CCDC81: variants seen among roughly 807,000 people sequenced by gnomAD.
The protein encoded by CCDC81 is coiled-coil domain containing 81.
Under a neutral mutation model 83.7 loss-of-function variants are expected in CCDC81, and 79 were observed. The ratio of observed to expected loss-of-function variants is 0.94; its 90% CI spans 0.79 to 1.14. The LOEUF (loss-of-function observed/expected upper bound fraction) is 1.14. Ranked by LOEUF, CCDC81 falls within the 50% of genes most tolerant of loss-of-function variation. The pLI, the probability that CCDC81 is intolerant of heterozygous loss-of-function variation, is 0.00. For missense variants in CCDC81, 791 were observed against 778.1 expected, an observed-to-expected ratio of 1.02 and a Z score of -0.20; for synonymous variants, 252 against 278.1, an observed-to-expected ratio of 0.91 and a Z score of 0.93.
intron 7 of CCDC81, among the ~76,000 whole-genome samples, chr11:86,404,371 A>G (rs1948536643): frequency 6.6e-6 from 1 of 152,214 alleles, no homozygotes; most frequent in South Asian, 2.1e-4. Context: ...ATCCATTTGC[A>G]TATTATCTGT....
At chr11:86,401,844 A>G (rs1948492737) in intron 7 of CCDC81, among the ~76,000 whole-genome samples, 1 of 152,166 alleles carries the variant, frequency 6.6e-6, no homozygotes, top group South Asian at 2.1e-4. Context: ...GTAGAAGTTA[A>G]CCAAAAAATA....
rs1296440590 is a variant in CCDC81, at chr11:86,412,454, C to T, written c.1286C>T (p.Ser429Phe). ...AATGCTCTTAAGCAAGAGGAATATTCCCGGAGTCTCCTGAAACAAATGGAT... is the reference window on the plus strand; with the variant it reads ...AATGCTCTTAAGCAAGAGGAATATTTCCGGAGTCTCCTGAAACAAATGGAT... ...ALNALKQEEY[S>F]RSLLKQMDNR... The change falls in exon 11 of 15, where the codon TCC (serine) becomes TTC (phenylalanine). Residue 429 changes from serine to phenylalanine, a missense_variant. By Grantham distance (155) the Ser-to-Phe change is radical. Transcript: ENST00000445632. 6.2e-7 allele frequency: 1 copy of T among 1,613,716 alleles called. No individual in the cohort carries two copies. Among genetic ancestry groups the T allele is most frequent in the African/African-American group, 1.3e-5 (1 of 74,892 alleles).
chr11:86,400,814 CTT>C lies in CCDC81; in HGVS notation c.881+22_881+23del. On this transcript the variant is annotated intron_variant, in intron 7 of 14. Transcript: ENST00000445632. ...TGACCCCTGAAAGGTAATGCATTGACTTTTTTTTTTCTGTTGTACTTTACTAA... is the reference window on the plus strand; with the variant it reads ...TGACCCCTGAAAGGTAATGCATTGACTTTTTTTTCTGTTGTACTTTACTAA... 2.7e-6 allele frequency: 4 copies of C among 1,463,496 alleles called. No individual in the cohort carries two copies. Among genetic ancestry groups the C allele is most frequent in the South Asian group, 1.3e-5 (1 of 78,186 alleles). The allele number at this position is 1,463,496 out of a possible 1,614,324, so 90.7% of individuals were successfully genotyped here.
intron 13 of CCDC81, among the ~76,000 whole-genome samples, chr11:86,418,137 T>G (rs1219590972): frequency 6.6e-6 from 1 of 152,078 alleles, no homozygotes; most frequent in Non-Finnish European, 1.5e-5. Flanking sequence ...CACCACAAAT[T>G]ATTATGAAAG....
intron 1 of CCDC81, among the ~76,000 whole-genome samples, chr11:86,380,977 T>G (rs934363305): frequency 2.0e-5 from 3 of 152,234 alleles, no homozygotes; most frequent in Admixed American, 1.3e-4. Context: ...TGCCTTTTAG[T>G]ATGCCTTGTA....
intron 1 of CCDC81, 81 bp downstream of exon 1, chr11:86,375,323 C>A: frequency 7.9e-7 from 1 of 1,264,164 alleles, no homozygotes; most frequent in Non-Finnish European, 1.1e-6. Context: ...GACCCACTTC[C>A]CAATTCCCTG....
At chr11:86,379,220 C>T (rs1948140451) in intron 1 of CCDC81, among the ~76,000 whole-genome samples, 1 of 151,964 alleles carries the variant, frequency 6.6e-6, no homozygotes, top group Non-Finnish European at 1.5e-5. Context: ...CCTCAGCCTC[C>T]CCAGTAGCTA....
Position 86,415,278 on chromosome 11 carries a change from G to T in CCDC81, c.1656G>T (p.Arg552Ser). Residue 552 changes from arginine to serine, a missense_variant, in exon 13 of 15, where the codon AGG (arginine) becomes AGT (serine). Transcript: ENST00000445632. The part of the protein sequence containing the change: ...KAILHQLVDQ[R>S]RDLQMLQRTQ... Reference sequence around the variant, plus strand: ...TCCTGCATCAACTAGTGGACCAGAGGCGGGATTTGCAAATGCTTCAGAGGA... The same window carrying T: ...TCCTGCATCAACTAGTGGACCAGAGTCGGGATTTGCAAATGCTTCAGAGGA... 6.2e-7 allele frequency: 1 copy of T among 1,614,174 alleles called. No individual in the cohort carries two copies. The highest frequency in any genetic ancestry group is 8.5e-7 in the Non-Finnish European group (1 of 1,180,028).
intron 1 of CCDC81, 122 bp from the exon 2 acceptor site, chr11:86,385,929 A>T (rs977434883): frequency 5.0e-6 from 2 of 403,758 alleles, no homozygotes; most frequent in Admixed American, 3.6e-5. Context: ...TTCTAAATTA[A>T]TCAGGAATTA....
chr11:86,377,896 G>A (rs1019788921), intron 1 of CCDC81, among the ~76,000 whole-genome samples: 4 of 146,692 alleles, frequency 2.7e-5, no homozygotes, highest in Non-Finnish European at 6.0e-5. Flanking sequence ...CTGTGGTTTT[G>A]CACTTCATAT....
At chr11:86,385,376 C>A (rs1306267657) in intron 1 of CCDC81, among the ~76,000 whole-genome samples, 3 of 151,874 alleles carry the variant, frequency 2.0e-5, no homozygotes, top group South Asian at 4.1e-4. Context: ...CAGAGTGATA[C>A]CCTGTCTCAA....
At chr11:86,422,511 TC>T (rs1362511107) in intron 14 of CCDC81, 62 bp from the exon 15 acceptor site, 1 of 1,535,192 alleles carries the variant, frequency 6.5e-7, no homozygotes, top group Non-Finnish European at 8.9e-7. Flanking sequence ...CATACCAGCT[TC>T]CAAGTTGGGC....
chr11:86,421,755 CA>C (rs1948794282), intron 14 of CCDC81, among the ~76,000 whole-genome samples: 1 of 151,922 alleles, frequency 6.6e-6, no homozygotes, highest in Non-Finnish European at 1.5e-5. Flanking sequence ...CCATCTCTAC[CA>C]AAAGTACAAA....
At chr11:86,409,505 T>C (rs927571620) in intron 10 of CCDC81, 140 bp downstream of exon 10, 2 of 450,280 alleles carry the variant, frequency 4.4e-6, no homozygotes, top group Non-Finnish European at 3.9e-6. Context: ...CAGGCTGCAG[T>C]GCAATGGTGT....
intron 9 of CCDC81, 70 bp downstream of exon 9, chr11:86,408,340 TA>T (rs1948591756): frequency 7.2e-7 from 1 of 1,396,704 alleles, no homozygotes; most frequent in Non-Finnish European, 9.5e-7. Context: ...AATTTATTAT[TA>T]TTTTTTATTG....
chr11:86,415,343 A>G (rs1948703039), intron 13 of CCDC81, 30 bp downstream of exon 13: 1 of 1,537,292 alleles, frequency 6.5e-7, no homozygotes. Flanking sequence ...TTCTCCCTCC[A>G]CTTCTCCTCA....
intron 14 of CCDC81, 117 bp from the exon 15 acceptor site, chr11:86,422,457 G>T (rs541336476): frequency 1.2e-6 from 1 of 849,198 alleles, no homozygotes; most frequent in Non-Finnish European, 1.9e-6. Flanking sequence ...GCAGCATACA[G>T]GCAGAGAACG....
chr11:86,381,664 T>C (rs1237375233), intron 1 of CCDC81, among the ~76,000 whole-genome samples: 1 of 152,226 alleles, frequency 6.6e-6, no homozygotes, highest in African/African-American at 2.4e-5. Flanking sequence ...GGCAGCAGTT[T>C]GTCCTGTGTC....
chr11:86,400,837 A>G (rs1593925484), intron 7 of CCDC81, 36 bp downstream of exon 7: 1 of 1,555,238 alleles, frequency 6.4e-7, no homozygotes. Context: ...GTTGTACTTT[A>G]CTAAATATAT....
Sources: allele counts gnomAD v4.1 joint callset (sites outside exome capture counted in the v4.1 genomes callset), GRCh38; gene constraint gnomAD v4.1.1; transcripts MANE v1.5; gene names NCBI Gene and HGNC (gene_info 2026-07-23, HGNC 2026-07-21).